Variants in MED12L observed in about 807,000 individuals in gnomAD.
MED12L encodes mediator of RNA polymerase II transcription subunit 12-like protein.
In MED12L, 60 loss-of-function variants were observed where a neutral mutation model predicts 281.3. That is an observed-to-expected ratio of 0.21 (90% CI 0.17 to 0.26). MED12L has a LOEUF of 0.26. Ranked by LOEUF, MED12L falls within the 10% of genes least tolerant of loss-of-function variation. The pLI is 1.00. For synonymous variants in MED12L, 974 were observed against 987.2 expected (o/e 0.99, Z 0.25); for missense variants, 2,146 against 2,680.9 (o/e 0.80, Z 4.41).
intron 16 of MED12L, chr3:151,327,749 AG>A (rs1203170207): frequency 3.1e-5 from 10 of 327,634 alleles, no homozygotes; most frequent in African/African-American, 1.5e-4. Flanking sequence ...AAAAAAAAAA[AG>A]AAAGAAAGAA....
rs746501470 is a variant in MED12L at position 151,378,031 on chromosome 3, G to A, written c.4336G>A (p.Val1446Ile). 2.5e-6 allele frequency: 4 copies of A among 1,609,876 alleles called. No homozygotes were observed. The highest frequency in any genetic ancestry group is 4.5e-5 in the East Asian group (2 of 44,636). Residue 1446 changes from valine (V) to isoleucine (I), a missense_variant, in exon 31 of 45, where the codon GTA (valine) becomes ATA (isoleucine). Physicochemically the swap from Val to Ile is conservative, Grantham distance 29 (BLOSUM62 3). This residue lies in a region of MED12L where 212 missense variants were observed against 340.8 expected (regional missense o/e 0.62). Coordinates refer to ENST00000687756, the MANE Select transcript of MED12L (RefSeq NM_001393769.1). The part of the protein sequence containing the change: ...TFLSSSERRG[V>I]WLVAPLIARL... ...TTTTAGTTCCTCCGAACGCAGGGGT[G>A]TATGGTTGGTGGCCCCCCTCATCGC...
intron 39 of MED12L, among the ~76,000 whole-genome samples, chr3:151,395,285 CTGA>C (rs1714820015): frequency 6.6e-6 from 1 of 152,104 alleles, no homozygotes; most frequent in Non-Finnish European, 1.5e-5. Context: ...CTCTGAAGCC[CTGA>C]TGTTTCCTAG....
chr3:151,353,614 C>T (rs187093221), intron 17 of MED12L, among the ~76,000 whole-genome samples: 87 of 152,274 alleles, frequency 5.7e-4, no homozygotes, highest in Admixed American at 1.5e-3. Flanking sequence ...TTGACTGTAA[C>T]CACTAATTGC....
In MED12L at chr3:151,125,309, C is replaced by T. The variant is rs947736674; in HGVS notation, c.396+2335C>T. ...CTTTCACATATGTTCTTCTTAATTC[C>T]GAAGTCTTGATTTGCATCAGCCAGT... On this transcript the variant is annotated intron_variant, in intron 4 of 44. Coordinates refer to ENST00000687756, the MANE Select transcript of MED12L (RefSeq NM_001393769.1). Among the ~76,000 whole-genome samples, 4 of 152,128 alleles carry T rather than the reference C, an allele frequency of 2.6e-5. No individual in the cohort carries two copies. In the South Asian group the frequency reaches 8.3e-4, roughly 31 times the overall value.
intron 11 of MED12L, among the ~76,000 whole-genome samples, chr3:151,180,123 A>C (rs1219981295): frequency 2.6e-5 from 4 of 152,252 alleles, no homozygotes; most frequent in Non-Finnish European, 5.9e-5. Flanking sequence ...AAGGACAAGA[A>C]AATTTTTGTG....
rs16863309 is a variant in MED12L at position 151,322,890 on chromosome 3, C to G, written c.2251-27169C>G. Among the ~76,000 whole-genome samples the G allele has an allele frequency of 2.3e-3, 343 of 152,172 alleles. 3 individuals are homozygous for G. The East Asian group carries it at 0.044, about 20-fold the overall frequency. ...TCCCTGTCTCAAAAAAGATTATTCC[C>G]TAGACCTCTAATCTTAGTCCTATTT... On this transcript the variant is annotated intron_variant, in intron 16 of 44. Transcript: ENST00000687756.
At chr3:151,431,722 G>C (rs1299457457) in intron 44 of MED12L, among the ~76,000 whole-genome samples, 1 of 152,158 alleles carries the variant, frequency 6.6e-6, no homozygotes, top group Non-Finnish European at 1.5e-5. Flanking sequence ...TTTGGGGAAA[G>C]ATATCTACTC....
Position 151,185,412 on chromosome 3 carries a change from T to C in MED12L, c.1577T>C (p.Met526Thr), listed in dbSNP as rs759323673. Residue 526 changes from methionine to threonine, a missense_variant, in exon 12 of 45, where the codon ATG (methionine) becomes ACG (threonine). Met to Thr is a moderately conservative substitution (Grantham distance 81). Around this residue, in one of 9 missense-constraint regions of MED12L, gnomAD observed 722 missense variants for 861.2 expected, o/e 0.84. Transcript: ENST00000687756. ...SCKRSGKHRA[M>T]AVAKLLEKRQ... The stretch of plus-strand genomic sequence containing the variant: ...AAACGGTCTGGCAAGCACAGGGCCA[T>C]GGCTGTGGCAAAACTCCTGGAGAAG... The C allele has an allele frequency of 8.1e-6, 13 of 1,613,890 alleles. No homozygotes were observed. Among genetic ancestry groups the C allele is most frequent in the Non-Finnish European group, 1.1e-5 (13 of 1,179,990 alleles).
At chr3:151,175,614 A>G (rs1243205463) in intron 11 of MED12L, among the ~76,000 whole-genome samples, 1 of 152,126 alleles carries the variant, frequency 6.6e-6, no homozygotes, top group Non-Finnish European at 1.5e-5. Flanking sequence ...TGTAGTTGTC[A>G]GTTATTTTAC....
chr3:151,317,460 T>TTTTTTTTTTTTTTTTTTTTTTG (rs1748424624), intron 16 of MED12L, among the ~76,000 whole-genome samples: 1 of 123,314 alleles, frequency 8.1e-6, no homozygotes, highest in Non-Finnish European at 1.6e-5. Flanking sequence ...TTTTTTTTTT[T>TTTTTTTTTTTTTTTTTTTTTTG]TTTTTTGTGA....
intron 11 of MED12L, among the ~76,000 whole-genome samples, chr3:151,182,802 AG>A (rs1016050863): frequency 3.3e-5 from 5 of 152,146 alleles, no homozygotes; most frequent in African/African-American, 9.7e-5. Context: ...TGTGGTCAGC[AG>A]GTGGAGGTGC....
intron 16 of MED12L, among the ~76,000 whole-genome samples, chr3:151,252,164 A>G (rs1736987400): frequency 6.6e-6 from 1 of 152,132 alleles, no homozygotes; most frequent in Admixed American, 6.6e-5. Flanking sequence ...ACCAAAAAGT[A>G]CTATTAATAT....
chr3:151,193,711 T>A (rs749581594), intron 16 of MED12L, 45 bp downstream of exon 16: 1 of 1,471,476 alleles, frequency 6.8e-7, no homozygotes. Flanking sequence ...TATTTTATTA[T>A]AAGATCAATA....
chr3:151,301,166 A>G (rs1048830178), intron 16 of MED12L, among the ~76,000 whole-genome samples: 1 of 152,130 alleles, frequency 6.6e-6, no homozygotes, highest in Non-Finnish European at 1.5e-5. Flanking sequence ...GCATCACATT[A>G]TTTTTTAATG....
At chr3:151,201,963 A>G (rs1340472610) in intron 16 of MED12L, among the ~76,000 whole-genome samples, 1 of 152,236 alleles carries the variant, frequency 6.6e-6, no homozygotes, top group East Asian at 1.9e-4. Context: ...TGAGACGTAT[A>G]TGGTAAAGAG....
In MED12L at chr3:151,098,473, C is replaced by G. The variant is rs995938640; in HGVS notation, c.99+11448C>G. ...CAGGGCCACGTTCCCTCTGAAGGCT[C>G]TAGGAGGAGACTTCTTCCTTGCCTC... On this transcript the variant is annotated intron_variant, in intron 2 of 44. Transcript: ENST00000687756. 3.3e-5 allele frequency among the ~76,000 whole-genome samples: 5 copies of G among 152,164 alleles called. 1 individual carries two copies. The East Asian group carries it at 9.6e-4, about 29-fold the overall frequency.
At chr3:151,213,031 T>C (rs1255294846) in intron 16 of MED12L, 5 of 204,264 alleles carry the variant, frequency 2.4e-5, no homozygotes, top group Non-Finnish European at 4.8e-5. Context: ...CTTTAACTTA[T>C]TTTAATATAA....
intron 8 of MED12L, among the ~76,000 whole-genome samples, chr3:151,162,365 A>T (rs940156236): frequency 2.0e-5 from 3 of 152,130 alleles, no homozygotes; most frequent in Non-Finnish European, 4.4e-5. Flanking sequence ...TTCCACAAAG[A>T]TGTCTCCTAG....
chr3:151,169,116 T>TG (rs1159174404), intron 11 of MED12L, among the ~76,000 whole-genome samples: 4 of 143,872 alleles, frequency 2.8e-5, no homozygotes, highest in South Asian at 2.1e-4. Context: ...GTTTTTTTTT[T>TG]TTTTTGTTTT....
Sources: gnomAD v4.1 joint callset for allele counts (sites outside exome capture counted in the v4.1 genomes callset) on GRCh38, gnomAD v4.1.1 for gene constraint, gnomAD v4.1.1 regional missense constraint, MANE v1.5 for transcripts, NCBI Gene and HGNC (gene_info 2026-07-23, HGNC 2026-07-21) for gene names.